CDH13: variants seen among roughly 807,000 people sequenced by gnomAD.
CDH13 encodes the protein cadherin-13.
Under a neutral mutation model 63.8 loss-of-function variants are expected in CDH13, and 24 were observed. The ratio of observed to expected loss-of-function variants is 0.38; its 90% CI spans 0.27 to 0.53. CDH13 has a LOEUF of 0.53. Among genes scored for constraint, CDH13 ranks in the 20% least tolerant of loss-of-function variants. The probability of loss-of-function intolerance (pLI) is 0.85; values close to 1 mark genes in which losing one functional copy is unlikely to be tolerated. For synonymous variants in CDH13, 503 were observed against 355.3 expected (o/e 1.42, Z -4.67); for missense variants, 1,049 against 903.1 (o/e 1.16, Z -2.07).
At chr16:83,756,352 A>C (rs1273587899) in intron 11 of CDH13, among the ~76,000 whole-genome samples, 2 of 152,242 alleles carry the variant, frequency 1.3e-5, no homozygotes, top group African/African-American at 4.8e-5. Context: ...CAATAGACAC[A>C]CTTTAAATAA....
intron 5 of CDH13, among the ~76,000 whole-genome samples, chr16:83,240,236 G>T (rs1904313544): frequency 1.3e-5 from 2 of 152,122 alleles, no homozygotes; most frequent in Non-Finnish European, 2.9e-5. Context: ...AAGATCCGGA[G>T]GTCAAAGTGG....
intron 3 of CDH13, among the ~76,000 whole-genome samples, chr16:83,038,378 A>G (rs548199346): frequency 6.6e-6 from 1 of 152,340 alleles, no homozygotes; most frequent in African/African-American, 2.4e-5. Flanking sequence ...CCCAGAATCT[A>G]GTACCTGCCT....
chr16:82,760,137 A>G (rs2034776538), intron 1 of CDH13, among the ~76,000 whole-genome samples: 2 of 152,118 alleles, frequency 1.3e-5, no homozygotes, highest in African/African-American at 2.4e-5. Flanking sequence ...CTGGAACACA[A>G]ATATTTTCCA....
At chr16:83,038,082 C>A (rs754912168) in intron 3 of CDH13, among the ~76,000 whole-genome samples, 1 of 152,086 alleles carries the variant, frequency 6.6e-6, no homozygotes, top group African/African-American at 2.4e-5. Context: ...TAGGTGGGAC[C>A]GCCAGCCTAA....
intron 1 of CDH13, among the ~76,000 whole-genome samples, chr16:82,807,821 A>C (rs1205689536): frequency 6.6e-6 from 1 of 152,190 alleles, no homozygotes; most frequent in Non-Finnish European, 1.5e-5. Context: ...GATCCATAAA[A>C]ATAATTACTG....
chr16:82,747,340 G>T (rs8060336), intron 1 of CDH13, among the ~76,000 whole-genome samples: 1 of 152,132 alleles, frequency 6.6e-6, no homozygotes, highest in African/African-American at 2.4e-5. Flanking sequence ...GGTGTTTAAA[G>T]TTAAAGTATG....
intron 3 of CDH13, among the ~76,000 whole-genome samples, chr16:83,075,088 A>G (rs2032730006): frequency 6.6e-6 from 1 of 152,152 alleles, no homozygotes; most frequent in Non-Finnish European, 1.5e-5. Flanking sequence ...CTTAATGGAC[A>G]ATTCTGGGGG....
At chr16:83,237,161 C>G (rs922992824) in intron 5 of CDH13, among the ~76,000 whole-genome samples, 1 of 152,114 alleles carries the variant, frequency 6.6e-6, no homozygotes, top group African/African-American at 2.4e-5. Flanking sequence ...CAGCCTAAAG[C>G]GGTGTTCAGT....
intron 1 of CDH13, among the ~76,000 whole-genome samples, chr16:82,668,093 A>G (rs909066954): frequency 6.6e-6 from 1 of 152,102 alleles, no homozygotes; most frequent in South Asian, 2.1e-4. Flanking sequence ...TAGGATGGCT[A>G]TACCCTGCCA....
chr16:82,847,948 T>C (rs2039333567), intron 1 of CDH13, among the ~76,000 whole-genome samples: 1 of 151,508 alleles, frequency 6.6e-6, no homozygotes, highest in Non-Finnish European at 1.5e-5. Flanking sequence ...AATTGAAGAT[T>C]TGTGGTGTTG....
intron 6 of CDH13, among the ~76,000 whole-genome samples, chr16:83,449,026 A>G (rs1405289888): frequency 6.6e-6 from 1 of 152,196 alleles, no homozygotes; most frequent in Non-Finnish European, 1.5e-5. Flanking sequence ...ATCCTCAACA[A>G]AAGGGAGACC....
chr16:83,444,341 A>T (rs1269662454), intron 6 of CDH13, among the ~76,000 whole-genome samples: 2 of 152,242 alleles, frequency 1.3e-5, no homozygotes, highest in Non-Finnish European at 2.9e-5. Flanking sequence ...AATCTTCAGC[A>T]CCATCACATG....
chr16:82,940,978 A>G (rs935925357), intron 2 of CDH13, among the ~76,000 whole-genome samples: 3 of 152,212 alleles, frequency 2.0e-5, no homozygotes, highest in African/African-American at 7.2e-5. Context: ...CAAATGGAGA[A>G]GGTGCACATT....
In CDH13 at chr16:83,650,626, A is replaced by G. The variant is rs79344018; in HGVS notation, c.1102-20164A>G. On this transcript the variant is annotated intron_variant, in intron 8 of 13. Transcript: ENST00000567109. ...TCACAGCTTGGATGGTGCTACCAGC[A>G]TCTAGTAGGTAAGAACTAAGGATGC... Among the ~76,000 whole-genome samples the G allele has an allele frequency of 5.1e-4, 77 of 152,284 alleles. 1 individual carries two copies. The East Asian group carries it at 8.7e-3, about 17-fold the overall frequency.
intron 5 of CDH13, among the ~76,000 whole-genome samples, chr16:83,343,496 G>A (rs537941756): frequency 6.6e-5 from 10 of 152,272 alleles, no homozygotes; most frequent in South Asian, 6.2e-4. Context: ...GTATAAAAAC[G>A]GAACAAAAGT....
chr16:82,774,569 A>G (rs911337641), intron 1 of CDH13, among the ~76,000 whole-genome samples: 1 of 152,216 alleles, frequency 6.6e-6, no homozygotes, highest in East Asian at 1.9e-4. Flanking sequence ...TTTATTGAAA[A>G]TTTCCTTGGT....
chr16:83,441,120 A>G (rs2072468294), intron 6 of CDH13, among the ~76,000 whole-genome samples: 1 of 152,232 alleles, frequency 6.6e-6, no homozygotes, highest in Non-Finnish European at 1.5e-5. Context: ...AAATGTTTTG[A>G]ATAAGAAAAT....
intron 4 of CDH13, among the ~76,000 whole-genome samples, chr16:83,192,115 C>T (rs565824979): frequency 1.3e-5 from 2 of 152,324 alleles, no homozygotes; most frequent in African/African-American, 4.8e-5. Context: ...ACAGTTCCTG[C>T]CTTCTAATTC....
intron 11 of CDH13, among the ~76,000 whole-genome samples, chr16:83,758,967 C>G (rs1164293129): frequency 6.6e-6 from 1 of 152,126 alleles, no homozygotes; most frequent in African/African-American, 2.4e-5. Flanking sequence ...TCTTTTCAAA[C>G]CGACCTGAGG....
Sources: allele counts gnomAD v4.1 joint callset (sites outside exome capture counted in the v4.1 genomes callset), GRCh38; gene constraint gnomAD v4.1.1; transcripts MANE v1.5; gene names NCBI Gene and HGNC (gene_info 2026-07-23, HGNC 2026-07-21).